The following FAM210A variants were observed in gnomAD, a reference collection of about 807,000 sequenced individuals.
The protein encoded by FAM210A is mitochondrial inner membrane scaffold 1.
A neutral mutation model predicts 25.3 loss-of-function variants in FAM210A; 13 were observed. That is an observed-to-expected ratio of 0.51 (90% CI 0.33 to 0.82). FAM210A has a LOEUF of 0.82. Among genes scored for constraint, FAM210A ranks in the 40% least tolerant of loss-of-function variants. The pLI is 0.02. For synonymous variants in FAM210A, 125 were observed against 118.7 expected (o/e 1.05, Z -0.35); for missense variants, 319 against 323.2 (o/e 0.99, Z 0.10).
At chr18:13,671,728 C>T (rs1010970364) in intron 3 of FAM210A, 134 bp downstream of exon 3, 5 of 529,512 alleles carry the variant, frequency 9.4e-6, no homozygotes, top group Admixed American at 6.6e-5. Context: ...CATTATTCAC[C>T]AGACATATCA....
In FAM210A at chr18:13,681,629, C is replaced by A; in HGVS notation, c.449G>T (p.Gly150Val). The A allele has an allele frequency of 1.2e-6, 2 of 1,607,012 alleles. No homozygotes were observed. Among genetic ancestry groups the A allele is most frequent in the South Asian group, 1.1e-5 (1 of 89,474 alleles). Residue 150 changes from glycine (G) to valine (V), a missense_variant, in exon 2 of 4, where the codon GGA (glycine) becomes GTA (valine). Gly to Val is a moderately radical substitution (Grantham distance 109). Coordinates refer to ENST00000651643, the MANE Select transcript of FAM210A (RefSeq NM_152352.4). ...CTTCAAGGCTGCATAATAAAATGTT[C>A]CAAACCAAACACCAGAAGTTATTAG... The part of the protein sequence containing the change: ...VHLITSGVWF[G>V]TFYYAALKGV...
At chr18:13,677,154 A>C (rs2043511496) in intron 2 of FAM210A, among the ~76,000 whole-genome samples, 1 of 151,060 alleles carries the variant, frequency 6.6e-6, no homozygotes, top group Non-Finnish European at 1.5e-5. Flanking sequence ...GGCTTACTGC[A>C]AGTTCCACCT....
chr18:13,675,657 CTGG>C (rs2043491503), intron 2 of FAM210A, among the ~76,000 whole-genome samples: 8 of 121,252 alleles, frequency 6.6e-5, no homozygotes, highest in Non-Finnish European at 1.2e-4. Context: ...TTCCTGAGCC[CTGG>C]CTTCTTTATT....
chr18:13,673,785 CA>C (rs1191965659), intron 2 of FAM210A, among the ~76,000 whole-genome samples: 12 of 139,540 alleles, frequency 8.6e-5, no homozygotes, highest in Non-Finnish European at 1.5e-5. Context: ...ACTTCATTTC[CA>C]GTTTCCTGAT....
Position 13,711,177 on chromosome 18 carries a change from G to A in FAM210A, c.-29+15152C>T, listed in dbSNP as rs796378209. On this transcript the variant is annotated intron_variant, in intron 1 of 3. Transcript: ENST00000651643. ...ACCTGAGGTCAGGAGTTCGAGACCA[G>A]TCTACCAACATGATGAAACCCTGTC... 6.7e-4 allele frequency among the ~76,000 whole-genome samples: 102 copies of A among 152,220 alleles called. 1 individual carries two copies. Among genetic ancestry groups the A allele is most frequent in the African/African-American group, 2.3e-3 (97 of 41,568 alleles).
chr18:13,709,673 G>C (rs2043806934), intron 1 of FAM210A, among the ~76,000 whole-genome samples: 1 of 152,154 alleles, frequency 6.6e-6, no homozygotes, highest in Non-Finnish European at 1.5e-5. Flanking sequence ...GGTCCCCCAA[G>C]AGTAGAGCTT....
chr18:13,709,919 T>C (rs1348070289), intron 1 of FAM210A, among the ~76,000 whole-genome samples: 1 of 152,246 alleles, frequency 6.6e-6, no homozygotes, highest in Non-Finnish European at 1.5e-5. Context: ...AAAGATTATG[T>C]CAGTGAGAGA....
intron 2 of FAM210A, among the ~76,000 whole-genome samples, chr18:13,673,659 A>T (rs28497844): frequency 4.2e-5 from 5 of 117,964 alleles, no homozygotes; most frequent in Admixed American, 3.5e-4. Flanking sequence ...CTTTATTTCC[A>T]GTTTCCTGAT....
At chr18:13,692,611 T>C (rs1250880750) in intron 1 of FAM210A, among the ~76,000 whole-genome samples, 1 of 152,012 alleles carries the variant, frequency 6.6e-6, no homozygotes, top group African/African-American at 2.4e-5. Context: ...CACTCAAAAC[T>C]GCTCAACTAC....
intron 1 of FAM210A, among the ~76,000 whole-genome samples, chr18:13,725,790 C>G (rs1171794570): frequency 6.6e-6 from 1 of 152,098 alleles, no homozygotes; most frequent in East Asian, 1.9e-4. Flanking sequence ...GTTGTCTCCC[C>G]CAAACCACAC....
chr18:13,720,558 C>T (rs1374399103), intron 1 of FAM210A, among the ~76,000 whole-genome samples: 2 of 152,148 alleles, frequency 1.3e-5, no homozygotes, highest in African/African-American at 4.8e-5. Flanking sequence ...TGTTGGATTT[C>T]CCACCCTCTG....
intron 1 of FAM210A, among the ~76,000 whole-genome samples, chr18:13,714,911 C>T (rs967031131): frequency 1.3e-5 from 2 of 152,010 alleles, no homozygotes; most frequent in African/African-American, 4.8e-5. Flanking sequence ...CTATGAATAG[C>T]GTCCTCATGT....
chr18:13,677,853 T>A (rs2043518638), intron 2 of FAM210A, among the ~76,000 whole-genome samples: 1 of 152,134 alleles, frequency 6.6e-6, no homozygotes, highest in Non-Finnish European at 1.5e-5. Context: ...TAATTTTTAA[T>A]ATTAATTAGG....
At chr18:13,715,620 TACA>T (rs957015067) in intron 1 of FAM210A, among the ~76,000 whole-genome samples, 36 of 152,348 alleles carry the variant, frequency 2.4e-4, no homozygotes, top group Admixed American at 2.1e-3. Flanking sequence ...TTGTTCACAT[TACA>T]ACATTTTCCA....
chr18:13,703,133 T>A (rs148924824), intron 1 of FAM210A, among the ~76,000 whole-genome samples: 7 of 152,372 alleles, frequency 4.6e-5, no homozygotes, highest in African/African-American at 1.7e-4. Flanking sequence ...CATCTAAGGC[T>A]CTGTACTGTT....
intron 1 of FAM210A, among the ~76,000 whole-genome samples, chr18:13,725,740 C>G (rs2043937709): frequency 6.6e-6 from 1 of 152,194 alleles, no homozygotes; most frequent in African/African-American, 2.4e-5. Context: ...GGCGCTTTCA[C>G]TCCCCAGTAG....
intron 1 of FAM210A, among the ~76,000 whole-genome samples, chr18:13,682,324 T>C (rs921245102): frequency 2.0e-5 from 3 of 152,202 alleles, no homozygotes; most frequent in Admixed American, 2.0e-4. Context: ...CCCAGCACTT[T>C]GGGAGGCCAA....
chr18:13,705,309 G>A (rs1324028499), intron 1 of FAM210A, among the ~76,000 whole-genome samples: 3 of 152,126 alleles, frequency 2.0e-5, no homozygotes, highest in Admixed American at 6.5e-5. Context: ...TAAGTCTAAC[G>A]TTAATTAAGC....
At chr18:13,694,399 G>A (rs144453421) in intron 1 of FAM210A, among the ~76,000 whole-genome samples, 2,710 of 152,254 alleles carry the variant, frequency 0.018, 31 homozygotes, top group Middle Eastern at 0.061. Context: ...AAAAGAGTCC[G>A]CATTGCTAAG....
Sources: allele counts gnomAD v4.1 joint callset (sites outside exome capture counted in the v4.1 genomes callset), GRCh38; gene constraint gnomAD v4.1.1; transcripts MANE v1.5; gene names NCBI Gene and HGNC (gene_info 2026-07-23, HGNC 2026-07-21).